ELAVL2: variants seen among roughly 807,000 people sequenced by gnomAD.
The protein encoded by ELAVL2 is ELAV like RNA binding protein 2, also known as ELAV-like protein 2.
ELAVL2 carries 4 observed loss-of-function variants against 34.6 expected under a neutral mutation model. The observed-to-expected ratio is 0.12, with a 90% CI of 0.06 to 0.26. ELAVL2 has a LOEUF of 0.26. Among genes scored for constraint, ELAVL2 ranks in the 10% least tolerant of loss-of-function variants. The pLI, the probability that ELAVL2 is intolerant of heterozygous loss-of-function variation, is 1.00. For missense variants in ELAVL2, 432 were observed against 442.8 expected, an observed-to-expected ratio of 0.98 and a Z score of 0.22; for synonymous variants, 193 against 154.8, an observed-to-expected ratio of 1.25 and a Z score of -1.83.
chr9:23,773,829 T>C (rs1411775553), intron 1 of ELAVL2, among the ~76,000 whole-genome samples: 1 of 152,108 alleles, frequency 6.6e-6, no homozygotes, highest in African/African-American at 2.4e-5. Flanking sequence ...TCAAAGCACT[T>C]TACAAACTCT....
At chr9:23,749,865 T>C (rs1182596021) in intron 2 of ELAVL2, among the ~76,000 whole-genome samples, 1 of 151,980 alleles carries the variant, frequency 6.6e-6, no homozygotes, top group Non-Finnish European at 1.5e-5. Flanking sequence ...TTATAATCTA[T>C]AGAGCAACTA....
intron 3 of ELAVL2, among the ~76,000 whole-genome samples, chr9:23,711,794 C>G (rs946870510): frequency 6.6e-6 from 1 of 152,162 alleles, no homozygotes; most frequent in African/African-American, 2.4e-5. Context: ...ACCTTGTCAT[C>G]ATCCTACTTT....
intron 1 of ELAVL2, among the ~76,000 whole-genome samples, chr9:23,786,552 TAGAA>T (rs1236964228): frequency 2.0e-5 from 3 of 152,022 alleles, no homozygotes; most frequent in African/African-American, 4.8e-5. Flanking sequence ...CTATTAAAAA[TAGAA>T]AGACAGTTAT....
intron 5 of ELAVL2, among the ~76,000 whole-genome samples, chr9:23,695,512 T>C (rs1438262285): frequency 6.6e-6 from 1 of 152,180 alleles, no homozygotes; most frequent in Non-Finnish European, 1.5e-5. Flanking sequence ...TCAGGCCTTT[T>C]TTAACAATGG....
At chr9:23,756,037 A>T (rs1223492701) in intron 2 of ELAVL2, among the ~76,000 whole-genome samples, 1 of 152,174 alleles carries the variant, frequency 6.6e-6, no homozygotes, top group Non-Finnish European at 1.5e-5. Flanking sequence ...AGTCTAATAA[A>T]ATACCACTTA....
intron 3 of ELAVL2, among the ~76,000 whole-genome samples, chr9:23,711,138 T>C (rs959859421): frequency 6.6e-6 from 1 of 152,172 alleles, no homozygotes; most frequent in African/African-American, 2.4e-5. Flanking sequence ...AATTAAGTAT[T>C]AGCTCCAGCA....
chr9:23,727,695 G>A (rs527997090), intron 3 of ELAVL2, among the ~76,000 whole-genome samples: 1 of 152,128 alleles, frequency 6.6e-6, no homozygotes, highest in Admixed American at 6.6e-5. Flanking sequence ...CACTTCCCTT[G>A]GGATTAAGAT....
intron 1 of ELAVL2, among the ~76,000 whole-genome samples, chr9:23,813,660 A>G (rs866873725): frequency 6.6e-6 from 1 of 152,146 alleles, no homozygotes; most frequent in Middle Eastern, 3.2e-3. Flanking sequence ...GGGAGGAGAG[A>G]AAAGGTAAGT....
At chr9:23,711,660 T>G (rs985282339) in intron 3 of ELAVL2, among the ~76,000 whole-genome samples, 4 of 152,214 alleles carry the variant, frequency 2.6e-5, no homozygotes. Context: ...ACAGTCTGAG[T>G]TGGGTGCCTC....
chr9:23,807,637 G>A (rs563308280), intron 1 of ELAVL2, among the ~76,000 whole-genome samples: 1 of 152,064 alleles, frequency 6.6e-6, no homozygotes, highest in African/African-American at 2.4e-5. Flanking sequence ...TAAAGCAATG[G>A]GGTGATCTGT....
At chr9:23,813,068 T>A (rs2063221839) in intron 1 of ELAVL2, among the ~76,000 whole-genome samples, 1 of 152,208 alleles carries the variant, frequency 6.6e-6, no homozygotes, top group Non-Finnish European at 1.5e-5. Flanking sequence ...ATTTTCTACC[T>A]ACTTAGCATT....
At chr9:23,756,465 A>T (rs2053578394) in intron 2 of ELAVL2, among the ~76,000 whole-genome samples, 2 of 152,290 alleles carry the variant, frequency 1.3e-5, no homozygotes, top group East Asian at 3.9e-4. Flanking sequence ...GAGGTCTTCC[A>T]CCAACTACTC....
rs2058792164 is a variant in ELAVL2, at chr9:23,779,831, T to C, written c.-15-17582A>G. Among the ~76,000 whole-genome samples, 6 of 151,798 alleles carry C rather than the reference T, an allele frequency of 4.0e-5. 1 individual carries two copies. In the South Asian group the frequency reaches 1.2e-3, roughly 32 times the overall value. Reference sequence around the variant, plus strand: ...ATTAACTAAAAGCCACAGCTAAAAATAAAAAGCTGGAGCAATTCCAAAACT... The same window carrying C: ...ATTAACTAAAAGCCACAGCTAAAAACAAAAAGCTGGAGCAATTCCAAAACT... On this transcript the variant is annotated intron_variant, in intron 1 of 6. Coordinates refer to ENST00000397312, the MANE Select transcript of ELAVL2 (RefSeq NM_004432.5).
the ELAVL2 span, among the ~76,000 whole-genome samples, chr9:23,842,831 A>T: frequency 6.6e-6 from 1 of 152,132 alleles, no homozygotes; most frequent in Non-Finnish European, 1.5e-5. Flanking sequence ...CACTGGCTAC[A>T]TATCAGTGTT....
chr9:23,759,599 T>A (rs1375036143), intron 2 of ELAVL2, among the ~76,000 whole-genome samples: 2 of 151,352 alleles, frequency 1.3e-5, no homozygotes, highest in African/African-American at 4.9e-5. Context: ...TTGGAAATGC[T>A]ATAATACCCT....
intron 1 of ELAVL2, among the ~76,000 whole-genome samples, chr9:23,784,159 C>G (rs186736128): frequency 2.0e-5 from 3 of 151,930 alleles, no homozygotes; most frequent in African/African-American, 7.3e-5. Flanking sequence ...GATTGCGCCA[C>G]GACACTCCAG....
intron 3 of ELAVL2, among the ~76,000 whole-genome samples, chr9:23,710,178 G>C (rs1231431168): frequency 1.3e-5 from 2 of 152,140 alleles, no homozygotes; most frequent in African/African-American, 4.8e-5. Context: ...TGTATTACTT[G>C]TAATTAAAAG....
intron 2 of ELAVL2, among the ~76,000 whole-genome samples, chr9:23,748,525 G>A (rs1033486722): frequency 6.6e-6 from 1 of 152,084 alleles, no homozygotes; most frequent in African/African-American, 2.4e-5. Flanking sequence ...CTTCCTCCAG[G>A]TAACTTGCCA....
At chr9:23,790,977 C>T (rs927718622) in intron 1 of ELAVL2, among the ~76,000 whole-genome samples, 18 of 152,168 alleles carry the variant, frequency 1.2e-4, no homozygotes, top group African/African-American at 4.3e-4. Context: ...GAAAACACTG[C>T]CAAGACCCTC....
Sources: allele counts gnomAD v4.1 joint callset (sites outside exome capture counted in the v4.1 genomes callset), GRCh38; gene constraint gnomAD v4.1.1; transcripts MANE v1.5; gene names NCBI Gene and HGNC (gene_info 2026-07-23, HGNC 2026-07-21).